Variants in STK32B observed in about 807,000 individuals in gnomAD.
The protein encoded by STK32B is serine/threonine kinase 32B.
A neutral mutation model predicts 52.6 loss-of-function variants in STK32B; 43 were observed. The observed-to-expected ratio is 0.82, with a 90% CI of 0.64 to 1.05. The LOEUF is 1.05. Among genes scored for constraint, STK32B ranks in the 50% least tolerant of loss-of-function variants. The probability of loss-of-function intolerance (pLI) is 0.00; values close to 1 mark genes in which losing one functional copy is unlikely to be tolerated. For synonymous variants in STK32B, 238 were observed against 204.3 expected, an observed-to-expected ratio of 1.17 and a Z score of -1.41; for missense variants, 621 against 534.6, an observed-to-expected ratio of 1.16 and a Z score of -1.59.
intron 3 of STK32B, among the ~76,000 whole-genome samples, chr4:5,200,099 T>A (rs1331565981): frequency 6.6e-6 from 1 of 152,088 alleles, no homozygotes; most frequent in African/African-American, 2.4e-5. Context: ...ATCTGTTAAG[T>A]CTCAGTTTCA....
intron 6 of STK32B, among the ~76,000 whole-genome samples, chr4:5,425,509 A>G (rs919136131): frequency 6.6e-6 from 1 of 152,194 alleles, no homozygotes; most frequent in Non-Finnish European, 1.5e-5. Context: ...CACCTTCTAC[A>G]TGCTAGGCAC....
At chr4:5,362,119 C>T (rs1560352730) in intron 4 of STK32B, among the ~76,000 whole-genome samples, 1 of 152,132 alleles carries the variant, frequency 6.6e-6, no homozygotes, top group Non-Finnish European at 1.5e-5. Flanking sequence ...ATGTATAGAA[C>T]ACATTTTTAA....
intron 2 of STK32B, among the ~76,000 whole-genome samples, chr4:5,164,254 A>T (rs1718687266): frequency 6.6e-6 from 1 of 152,242 alleles, no homozygotes; most frequent in African/African-American, 2.4e-5. Context: ...CCATGCCATC[A>T]CCCAGCTTCT....
intron 4 of STK32B, among the ~76,000 whole-genome samples, chr4:5,350,310 A>T (rs1241084162): frequency 6.6e-6 from 1 of 152,204 alleles, no homozygotes; most frequent in Non-Finnish European, 1.5e-5. Context: ...TGCTACACTC[A>T]AAGTTGTCTT....
chr4:5,250,555 C>T (rs1355494441), intron 3 of STK32B, among the ~76,000 whole-genome samples: 2 of 152,124 alleles, frequency 1.3e-5, no homozygotes, highest in Non-Finnish European at 2.9e-5. Flanking sequence ...TCAAGTGATC[C>T]ACCCGCCTCG....
At chr4:5,110,557 A>C (rs939928529) in intron 1 of STK32B, among the ~76,000 whole-genome samples, 3 of 151,840 alleles carry the variant, frequency 2.0e-5, no homozygotes, top group Non-Finnish European at 2.9e-5. Context: ...CTGACCATTA[A>C]GTGGAAGAGA....
intron 3 of STK32B, among the ~76,000 whole-genome samples, chr4:5,291,884 A>G (rs1422116137): frequency 6.6e-6 from 1 of 151,916 alleles, no homozygotes; most frequent in East Asian, 1.9e-4. Flanking sequence ...GATTCTGGGG[A>G]TACGTGTGCA....
chr4:5,421,473 C>T (rs979893903), intron 6 of STK32B, among the ~76,000 whole-genome samples: 5 of 152,146 alleles, frequency 3.3e-5, no homozygotes, highest in Non-Finnish European at 5.9e-5. Context: ...GATCCATCTG[C>T]CTCAGCCTCC....
rs1731096702 is a variant in STK32B at position 5,317,270 on chromosome 4, A to AAC, written c.261-13949_261-13948insCA. 1.0e-4 allele frequency among the ~76,000 whole-genome samples: 3 copies of AAC among 29,428 alleles called. 1 individual carries two copies. The highest frequency in any genetic ancestry group is 8.0e-4 in the African/African-American group (3 of 3,762). The allele number at this position is 29,428 out of a possible 152,430, so 19.3% of individuals were successfully genotyped here. ...TATATATAACATATAACATATATATAATATATAACATATAACATATATATA... is the reference window on the plus strand; with the variant it reads ...TATATATAACATATAACATATATATAACATATATAACATATAACATATATATA... On this transcript the variant is annotated intron_variant, in intron 3 of 11. Coordinates refer to ENST00000282908, the MANE Select transcript of STK32B (RefSeq NM_018401.3).
At chr4:5,297,470 A>C (rs1416148661) in intron 3 of STK32B, among the ~76,000 whole-genome samples, 3 of 149,870 alleles carry the variant, frequency 2.0e-5, no homozygotes, top group African/African-American at 7.5e-5. Context: ...GTGGCTTTTC[A>C]TTCTTTTCAT....
At chr4:5,489,840 A>G (rs1013146620) in intron 11 of STK32B, among the ~76,000 whole-genome samples, 8 of 152,142 alleles carry the variant, frequency 5.3e-5, no homozygotes, top group African/African-American at 1.9e-4. Flanking sequence ...AAATCAATCA[A>G]AATACAATTT....
At position 5,398,207 on chromosome 4, in the gene STK32B, A is replaced by G. The variant is rs780107164; in HGVS notation, c.435A>G (p.Arg145=). ...CCAGCTTCTTTGTTTTCTTTTACAG[A>G]GACATCAAGCCAGACAATATCCTGC... is the stretch of plus-strand genomic sequence containing the variant. ...EYLQRYHIIH[R]DIKPDNILLD... Residue 145 remains arginine, a splice_region_variant and synonymous_variant, in exon 5 of 12, where the codon AGA becomes AGG. Coordinates refer to ENST00000282908, the MANE Select transcript of STK32B (RefSeq NM_018401.3). The surrounding 1 kb of genome is among the most constrained non-coding windows in gnomAD (Gnocchi z 4.9). 6.2e-7 allele frequency: 1 copy of G among 1,613,972 alleles called. No individual in the cohort carries two copies. Among genetic ancestry groups the G allele is most frequent in the Non-Finnish European group, 8.5e-7 (1 of 1,179,982 alleles).
intron 4 of STK32B, among the ~76,000 whole-genome samples, chr4:5,361,876 T>C (rs938226458): frequency 6.6e-6 from 1 of 152,202 alleles, no homozygotes; most frequent in East Asian, 1.9e-4. Context: ...GCTACAAATA[T>C]TAATATCATG....
chr4:5,421,338 C>A (rs968252944), intron 6 of STK32B, among the ~76,000 whole-genome samples: 2 of 152,016 alleles, frequency 1.3e-5, no homozygotes, highest in African/African-American at 4.8e-5. Context: ...GATCCACCAG[C>A]CTCGGCCTCC....
chr4:5,371,715 CA>C, intron 4 of STK32B, among the ~76,000 whole-genome samples: 1 of 152,334 alleles, frequency 6.6e-6, no homozygotes, highest in Non-Finnish European at 1.5e-5. Context: ...CAAAATTACT[CA>C]ACCCTGCCAC....
intron 6 of STK32B, among the ~76,000 whole-genome samples, chr4:5,445,492 A>G (rs764452411): frequency 1.4e-4 from 21 of 152,188 alleles, no homozygotes; most frequent in South Asian, 2.1e-4. Context: ...AGACCCTACA[A>G]TGCACTCCGG....
chr4:5,031,554 A>C, the STK32B span, among the ~76,000 whole-genome samples: 1 of 152,020 alleles, frequency 6.6e-6, no homozygotes. Context: ...AGCAGTGATC[A>C]CATCACTGCA....
At chr4:5,296,910 T>C (rs567406918) in intron 3 of STK32B, among the ~76,000 whole-genome samples, 1 of 152,306 alleles carries the variant, frequency 6.6e-6, no homozygotes, top group African/African-American at 2.4e-5. Context: ...TTGCAGTGGC[T>C]GGTACCTGTT....
chr4:5,192,003 C>G (rs1721245917), intron 3 of STK32B, among the ~76,000 whole-genome samples: 1 of 152,192 alleles, frequency 6.6e-6, no homozygotes, highest in Admixed American at 6.5e-5. Context: ...CACAGTGCCT[C>G]AGGGCATCAG....
Sources: allele counts gnomAD v4.1 joint callset (sites outside exome capture counted in the v4.1 genomes callset), GRCh38; gene constraint gnomAD v4.1.1; non-coding constraint Gnocchi (gnomAD v3.1); transcripts MANE v1.5; gene names NCBI Gene and HGNC (gene_info 2026-07-23, HGNC 2026-07-21).